TNPO3: variants seen among roughly 807,000 people sequenced by gnomAD.
TNPO3 encodes the protein transportin 3.
In TNPO3, 65 loss-of-function variants were observed where a neutral mutation model predicts 122.8. That is an observed-to-expected ratio of 0.53 (90% CI 0.43 to 0.65). The LOEUF (loss-of-function observed/expected upper bound fraction) is 0.65. TNPO3 is among the 30% of genes least tolerant of loss of function. The pLI, the probability that TNPO3 is intolerant of heterozygous loss-of-function variation, is 0.00. For synonymous variants in TNPO3, 372 were observed against 411.2 expected, an observed-to-expected ratio of 0.90 and a Z score of 1.15; for missense variants, 850 against 1,136.7, an observed-to-expected ratio of 0.75 and a Z score of 3.63.
intron 1 of TNPO3, among the ~76,000 whole-genome samples, chr7:129,046,015 C>A (rs1175347273): frequency 6.6e-6 from 1 of 151,872 alleles, no homozygotes; most frequent in Non-Finnish European, 1.5e-5. Context: ...CTGGCTAACA[C>A]AGTGAAACCC....
intron 21 of TNPO3, among the ~76,000 whole-genome samples, chr7:128,960,068 A>G (rs954039071): frequency 6.6e-6 from 1 of 152,208 alleles, no homozygotes; most frequent in Admixed American, 6.5e-5. Flanking sequence ...GTTATGTGCT[A>G]CAATGATGTT....
At chr7:129,023,561 G>A (rs1363432979) in intron 1 of TNPO3, among the ~76,000 whole-genome samples, 1 of 152,018 alleles carries the variant, frequency 6.6e-6, no homozygotes, top group Non-Finnish European at 1.5e-5. Context: ...TACTAGAAAG[G>A]ACAGAAGACA....
intron 1 of TNPO3, among the ~76,000 whole-genome samples, chr7:129,047,599 A>G (rs752337592): frequency 9.7e-4 from 148 of 152,350 alleles, no homozygotes; most frequent in Admixed American, 3.0e-3. Flanking sequence ...GCTAACTCAC[A>G]GTACAGGCTA....
At chr7:129,041,278 G>GT (rs1283804393) in intron 1 of TNPO3, among the ~76,000 whole-genome samples, 1 of 152,182 alleles carries the variant, frequency 6.6e-6, no homozygotes, top group Non-Finnish European at 1.5e-5. Context: ...AGGAGGATTG[G>GT]TTGAGCCCAG....
In TNPO3 at chr7:128,994,064, G is replaced by A. The variant is rs190995018; in HGVS notation, c.1159-150C>T. On this transcript the variant is annotated intron_variant, in intron 8 of 22. Coordinates refer to ENST00000265388, the MANE Select transcript of TNPO3 (RefSeq NM_012470.4). ...TCACGAGGGTATTTTATTTTAGACA[G>A]AGGGTTTCCTAAATTGTGAGGTATG... 4 of 650,968 alleles carry A rather than the reference G, an allele frequency of 6.1e-6. No homozygotes were observed. In the East Asian group the frequency reaches 8.3e-5, roughly 13 times the overall value. 40.3% of individuals were successfully genotyped at this position (650,968 alleles called of 1,614,324 possible). A position where few individuals can be genotyped will look rare whatever the true frequency, so the allele number is the denominator to read the frequency against.
At chr7:128,957,340 C>A in intron 21 of TNPO3, 25 bp from the exon 22 acceptor site, 1 of 1,613,684 alleles carries the variant, frequency 6.2e-7, no homozygotes, top group South Asian at 1.1e-5. Context: ...GTAGGTTGGT[C>A]CTTGACTGAG....
chr7:129,003,492 C>A (rs1293762162), intron 5 of TNPO3, among the ~76,000 whole-genome samples: 3 of 151,100 alleles, frequency 2.0e-5, no homozygotes, highest in African/African-American at 7.3e-5. Flanking sequence ...TAAAGAGAAA[C>A]CCTGTCTCTA....
chr7:128,991,224 C>T (rs1268280593), intron 10 of TNPO3, among the ~76,000 whole-genome samples: 1 of 152,154 alleles, frequency 6.6e-6, no homozygotes, highest in Non-Finnish European at 1.5e-5. Flanking sequence ...TATTCGACCT[C>T]CTTGAATATT....
chr7:128,986,485 T>C (rs1207305215), intron 12 of TNPO3, among the ~76,000 whole-genome samples: 1 of 152,242 alleles, frequency 6.6e-6, no homozygotes. Context: ...TACCCAAATC[T>C]AGGTCGGTGC....
chr7:129,000,655 G>T (rs557747412), intron 6 of TNPO3, 88 bp from the exon 7 acceptor site: 5 of 1,343,632 alleles, frequency 3.7e-6, no homozygotes, highest in East Asian at 4.6e-5. Context: ...TAAATAAAAG[G>T]TTCCTCAGTC....
At chr7:128,987,068 AAC>A in intron 11 of TNPO3, 148 bp from the exon 12 acceptor site, 1 of 770,934 alleles carries the variant, frequency 1.3e-6, no homozygotes, top group Non-Finnish European at 2.0e-6. Flanking sequence ...CAATAAATAA[AAC>A]ACATAAAAAT....
chr7:128,960,922 G>T (rs916757777), intron 21 of TNPO3, among the ~76,000 whole-genome samples: 1 of 151,972 alleles, frequency 6.6e-6, no homozygotes, highest in Non-Finnish European at 1.5e-5. Context: ...ACCACGCCTG[G>T]CTAATTTTTT....
intron 1 of TNPO3, among the ~76,000 whole-genome samples, chr7:129,048,840 C>T (rs1187002460): frequency 6.6e-6 from 1 of 152,122 alleles, no homozygotes; most frequent in Non-Finnish European, 1.5e-5. Context: ...TTTTTAAGAA[C>T]CTGTGTGTGA....
intron 1 of TNPO3, among the ~76,000 whole-genome samples, chr7:129,024,408 G>A (rs1423428284): frequency 6.6e-6 from 1 of 152,148 alleles, no homozygotes; most frequent in Non-Finnish European, 1.5e-5. Context: ...ATGCTGATTT[G>A]AGCCCGCTCA....
chr7:128,962,371 CAAAAA>C (rs11287209), intron 21 of TNPO3, among the ~76,000 whole-genome samples: 1 of 102,242 alleles, frequency 9.8e-6, no homozygotes, highest in Non-Finnish European at 2.0e-5. Flanking sequence ...GACTCCGTCT[CAAAAA>C]AAAAAAAAAA....
intron 1 of TNPO3, among the ~76,000 whole-genome samples, chr7:129,035,156 C>T (rs1806473686): frequency 6.6e-6 from 1 of 151,784 alleles, no homozygotes; most frequent in Non-Finnish European, 1.5e-5. Context: ...TGCCTGTAGT[C>T]CCAGCTACTC....
At chr7:129,048,682 T>C (rs927381058) in intron 1 of TNPO3, among the ~76,000 whole-genome samples, 3 of 150,896 alleles carry the variant, frequency 2.0e-5, no homozygotes, top group Admixed American at 2.0e-4. Context: ...CTGGAAAGAC[T>C]GAAGAGCATT....
At position 129,054,738 on chromosome 7, in the gene TNPO3, C is replaced by A; in HGVS notation, c.33G>T (p.Val11=). ...GGTAAAGCGCCTGCACTGCCTGGTA[C>A]ACGAGCTGCAATGTCGGCTTTGCTC... is the stretch of plus-strand genomic sequence containing the variant. MEGAKPTLQL[V]YQAVQALYHD... is the part of the protein sequence containing the mutation. Residue 11 remains valine, a synonymous_variant, in exon 1 of 23, where the codon GTG becomes GTT. Coordinates refer to ENST00000265388, the MANE Select transcript of TNPO3 (RefSeq NM_012470.4). The A allele has an allele frequency of 3.1e-6, 5 of 1,614,208 alleles. No homozygotes were observed. The highest frequency in any genetic ancestry group is 3.4e-6 in the Non-Finnish European group (4 of 1,180,020).
intron 11 of TNPO3, among the ~76,000 whole-genome samples, chr7:128,987,803 T>G (rs1429554926): frequency 6.6e-6 from 1 of 151,976 alleles, no homozygotes; most frequent in Non-Finnish European, 1.5e-5. Context: ...GGTCTCAAAC[T>G]CCTGGCCTCA....
Sources: allele counts gnomAD v4.1 joint callset (sites outside exome capture counted in the v4.1 genomes callset), GRCh38; gene constraint gnomAD v4.1.1; transcripts MANE v1.5; gene names NCBI Gene and HGNC (gene_info 2026-07-23, HGNC 2026-07-21).